ASXL1: variants seen among roughly 807,000 people sequenced by gnomAD.
ASXL1 encodes the protein polycomb group protein ASXL1.
A neutral mutation model predicts 89.1 loss-of-function variants in ASXL1; 65 were observed. The observed-to-expected ratio is 0.73, with a 90% CI of 0.60 to 0.90. The LOEUF (loss-of-function observed/expected upper bound fraction) is 0.90. Among genes scored for constraint, ASXL1 ranks in the 40% least tolerant of loss-of-function variants. ASXL1 has a pLI of 0.00. For synonymous variants in ASXL1, 739 were observed against 746.9 expected, an observed-to-expected ratio of 0.99 and a Z score of 0.17; for missense variants, 1,786 against 1,942.9, an observed-to-expected ratio of 0.92 and a Z score of 1.52.
chr20:32,400,280 G>T (rs954399929), intron 4 of ASXL1, among the ~76,000 whole-genome samples: 1 of 151,950 alleles, frequency 6.6e-6, no homozygotes, highest in African/African-American at 2.4e-5. Flanking sequence ...ATCTTTGATT[G>T]GATTTCAGAC....
In ASXL1 at chr20:32,429,791, T is replaced by C. The variant is rs2011463291; in HGVS notation, c.566-110T>C. On this transcript the variant is annotated intron_variant, in intron 7 of 12. Coordinates refer to ENST00000375687, the MANE Select transcript of ASXL1 (RefSeq NM_015338.6). The surrounding 1 kb of genome is among the most constrained non-coding windows in gnomAD (Gnocchi z 4.9). ...AGCCTAAGGCTGGGAGATGGAAGCA[T>C]CCCAGTATTGCTGGCAGCATCTCAG... 11 of 1,429,480 alleles carry C rather than the reference T, an allele frequency of 7.7e-6. No homozygotes were observed. The South Asian group carries it at 1.4e-4, about 18-fold the overall frequency. The allele number at this position is 1,429,480 out of a possible 1,614,324, so 88.5% of individuals were successfully genotyped here.
At position 32,365,988 on chromosome 20, in the gene ASXL1, G is replaced by A. The variant is rs535569436; in HGVS notation, c.58-396G>A. The stretch of plus-strand genomic sequence containing the variant: ...AAAATACAAAAATTAGTGTGTGTGT[G>A]TATATATATATACTAATCAAACTTC... On this transcript the variant is annotated intron_variant, in intron 1 of 12. Coordinates refer to ENST00000375687, the MANE Select transcript of ASXL1 (RefSeq NM_015338.6). 1.4e-4 allele frequency among the ~76,000 whole-genome samples: 21 copies of A among 151,920 alleles called. 1 individual carries two copies. In the South Asian group the frequency reaches 2.9e-3, roughly 21 times the overall value.
chr20:32,406,141 A>G (rs2048950992), intron 4 of ASXL1, among the ~76,000 whole-genome samples: 1 of 152,146 alleles, frequency 6.6e-6, no homozygotes, highest in Admixed American at 6.6e-5. Context: ...CTATATTTAT[A>G]TCTGTCTTTA....
At chr20:32,365,977 A>AGT (rs535192151) in intron 1 of ASXL1, among the ~76,000 whole-genome samples, 221 of 152,104 alleles carry the variant, frequency 1.5e-3, no homozygotes, top group African/African-American at 4.2e-3. Flanking sequence ...TACAAAAATT[A>AGT]GTGTGTGTGT....
At chr20:32,393,626 C>T (rs948611266) in intron 4 of ASXL1, among the ~76,000 whole-genome samples, 2 of 152,024 alleles carry the variant, frequency 1.3e-5, no homozygotes, top group Admixed American at 1.3e-4. Context: ...CACCTGACAC[C>T]ACACCCGGCT....
Position 32,358,676 on chromosome 20 carries a change from G to C in ASXL1, c.-100G>C. 1 of 398,514 alleles carries C rather than the reference G, an allele frequency of 2.5e-6. No individual in the cohort carries two copies. Among genetic ancestry groups the C allele is most frequent in the Non-Finnish European group, 3.5e-6 (1 of 284,246 alleles). The allele number at this position is 398,514 out of a possible 1,614,324, so 24.7% of individuals were successfully genotyped here. ...ACCTCGCGCGCCGCCGCTGCCACGC[G>C]CCCCCCCCACCGCCGCCGCCGCCCC... On this transcript the variant is annotated 5_prime_UTR_variant, in exon 1 of 13. Coordinates refer to ENST00000375687, the MANE Select transcript of ASXL1 (RefSeq NM_015338.6).
chr20:32,431,903 C>T (rs1391869361), intron 10 of ASXL1, among the ~76,000 whole-genome samples: 2 of 152,190 alleles, frequency 1.3e-5, no homozygotes, highest in African/African-American at 4.8e-5. Context: ...TATGTATGTA[C>T]TCATTCATCA....
Position 32,429,591 on chromosome 20 carries a change from C to A in ASXL1, c.565+160C>A. The A allele has an allele frequency of 1.2e-6, 1 of 807,600 alleles. No individual in the cohort carries two copies. The highest frequency in any genetic ancestry group is 2.0e-6 in the Non-Finnish European group (1 of 488,018). The allele number at this position is 807,600 out of a possible 1,614,324, so 50.0% of individuals were successfully genotyped here. A position where few individuals can be genotyped will look rare whatever the true frequency, so the allele number is the denominator to read the frequency against. On this transcript the variant is annotated intron_variant, in intron 7 of 12. Transcript: ENST00000375687. This position sits in a 1 kb window ranked among gnomAD's most constrained non-coding sequence, Gnocchi z 4.9. Reference sequence around the variant, plus strand: ...ATGAGGCCTGCCATAGGTTCTAGTGCTGGGCTCTGCTGTGTGCCTTCCTCT... The same window carrying A: ...ATGAGGCCTGCCATAGGTTCTAGTGATGGGCTCTGCTGTGTGCCTTCCTCT...
Position 32,435,304 on chromosome 20 carries a change from C to T in ASXL1, c.2592C>T (p.Asp864=), listed in dbSNP as rs147278940. The change falls in exon 13 of 13, where the codon GAC becomes GAT. Residue 864 remains aspartate (D), a synonymous_variant. Coordinates refer to ENST00000375687, the MANE Select transcript of ASXL1 (RefSeq NM_015338.6). ...TDCLQNRAFD[D]ELGLGGSCPP... is the part of the protein sequence containing the mutation. Reference sequence around the variant, plus strand: ...GCCTGCAGAACAGAGCATTTGATGACGAATTAGGGCTTGGTGGCTCATGCC... The same window carrying T: ...GCCTGCAGAACAGAGCATTTGATGATGAATTAGGGCTTGGTGGCTCATGCC... The T allele has an allele frequency of 1.6e-4, 265 of 1,614,162 alleles. No homozygotes were observed. Among genetic ancestry groups the T allele is most frequent in the African/African-American group, 4.3e-4 (32 of 75,040 alleles).
At chr20:32,407,823 C>A (rs938795651) in intron 4 of ASXL1, among the ~76,000 whole-genome samples, 1 of 152,128 alleles carries the variant, frequency 6.6e-6, no homozygotes, top group Non-Finnish European at 1.5e-5. Context: ...TTGAGGAAGT[C>A]TGTTTTATCC....
intron 4 of ASXL1, among the ~76,000 whole-genome samples, chr20:32,415,616 G>A (rs531872867): frequency 7.9e-5 from 12 of 152,146 alleles, no homozygotes; most frequent in Non-Finnish European, 1.6e-4. Context: ...GCGTGCTCCG[G>A]GCTTTTGAAG....
chr20:32,398,390 G>A (rs1199435508), intron 4 of ASXL1, among the ~76,000 whole-genome samples: 5 of 124,484 alleles, frequency 4.0e-5, no homozygotes, highest in African/African-American at 1.4e-4. Flanking sequence ...ACAGTGTTGG[G>A]TAACCATCTT....
intron 4 of ASXL1, among the ~76,000 whole-genome samples, chr20:32,387,308 T>G (rs180908837): frequency 4.6e-4 from 70 of 152,184 alleles, no homozygotes; most frequent in African/African-American, 1.6e-3. Context: ...CATAAAAAAT[T>G]TAATATTATG....
rs375215583 is a variant in ASXL1, at chr20:32,433,447, C to G, written c.1249C>G (p.Arg417Gly). Residue 417 changes from arginine to glycine, a missense_variant, in exon 12 of 13, where the codon CGA (arginine) becomes GGA (glycine). By Grantham distance (125) the Arg-to-Gly change is moderately radical. Coordinates refer to ENST00000375687, the MANE Select transcript of ASXL1 (RefSeq NM_015338.6). ...TAAGAAACGCTCTCGGCCAGATCTC[C>G]GAACCAGAGCCAGAAGGAATCTGTA... ...HFKKRSRPDL[R>G]TRARRNLYKK... The G allele has an allele frequency of 6.2e-7, 1 of 1,614,116 alleles. No individual in the cohort carries two copies. Among genetic ancestry groups the G allele is most frequent in the Non-Finnish European group, 8.5e-7 (1 of 1,180,004 alleles).
intron 4 of ASXL1, among the ~76,000 whole-genome samples, chr20:32,379,420 C>T (rs1166352774): frequency 6.6e-6 from 1 of 150,768 alleles, no homozygotes; most frequent in Non-Finnish European, 1.5e-5. Context: ...GTTGGTCAGG[C>T]TGACTTTGAA....
chr20:32,437,359 C>T lies in ASXL1; in HGVS notation c.*21C>T, dbSNP rs1306172636. The T allele has an allele frequency of 3.7e-6, 6 of 1,609,424 alleles. No homozygotes were observed. The highest frequency in any genetic ancestry group is 5.1e-6 in the Non-Finnish European group (6 of 1,176,052). On this transcript the variant is annotated 3_prime_UTR_variant, in exon 13 of 13. Coordinates refer to ENST00000375687, the MANE Select transcript of ASXL1 (RefSeq NM_015338.6). ...GATAATAAATTATGGCCATGGGAAA[C>T]ATTGTATATTTAGTGTGTGTATTTT...
Position 32,435,260 on chromosome 20 carries a change from G to T in ASXL1, c.2548G>T (p.Glu850Ter), listed in dbSNP as rs914002110. 1 of 1,614,134 alleles carries T rather than the reference G, an allele frequency of 6.2e-7. No homozygotes were observed. Among genetic ancestry groups the T allele is most frequent in the Non-Finnish European group, 8.5e-7 (1 of 1,180,026 alleles). ...AAATGTGACCCCCAGTTCCACACCT[G>T]AATCCTCACCGACTGATTGCCTGCA... ...PVNVTPSSTP[E>*]SSPTDCLQNR... Residue 850 changes from glutamate to a stop codon, truncating the protein, a stop_gained, in exon 13 of 13, where the codon GAA becomes TAA. Coordinates refer to ENST00000375687, the MANE Select transcript of ASXL1 (RefSeq NM_015338.6). LOFTEE classifies it low-confidence loss of function (END_TRUNC).
At chr20:32,375,204 G>A (rs1341013827) in intron 4 of ASXL1, among the ~76,000 whole-genome samples, 3 of 152,100 alleles carry the variant, frequency 2.0e-5, no homozygotes, top group African/African-American at 4.8e-5. Flanking sequence ...AGTGGCTCAC[G>A]CCTGTAATCC....
chr20:32,396,067 G>A (rs2048757814), intron 4 of ASXL1, among the ~76,000 whole-genome samples: 2 of 152,100 alleles, frequency 1.3e-5, no homozygotes, highest in African/African-American at 4.8e-5. Context: ...CTAGAGTGCT[G>A]GGATTACAGG....
Sources: allele counts gnomAD v4.1 joint callset (sites outside exome capture counted in the v4.1 genomes callset), GRCh38; gene constraint gnomAD v4.1.1; non-coding constraint Gnocchi (gnomAD v3.1); transcripts MANE v1.5; gene names NCBI Gene and HGNC (gene_info 2026-07-23, HGNC 2026-07-21).